Variants in DYSF observed in about 807,000 individuals in gnomAD.
DYSF encodes dystrophy-associated fer-1-like 1.
DYSF carries 212 observed loss-of-function variants against 274.9 expected under a neutral mutation model. That is an observed-to-expected ratio of 0.77 (90% CI 0.69 to 0.86). The LOEUF (loss-of-function observed/expected upper bound fraction) is 0.86. DYSF is among the 40% of genes least tolerant of loss of function. The pLI, the probability that DYSF is intolerant of heterozygous loss-of-function variation, is 0.00. For missense variants in DYSF, 2,666 were observed against 2,783.2 expected, an observed-to-expected ratio of 0.96 and a Z score of 0.95; for synonymous variants, 1,091 against 1,078.7, an observed-to-expected ratio of 1.01 and a Z score of -0.22.
intron 40 of DYSF, among the ~76,000 whole-genome samples, chr2:71,618,734 A>G (rs1421552505): frequency 3.1e-4 from 45 of 147,498 alleles, no homozygotes; most frequent in Admixed American, 6.1e-4. Context: ...GTGGGTGTGT[A>G]TGTGGAGTAG....
At chr2:71,587,778 T>A (rs1238867534) in intron 30 of DYSF, among the ~76,000 whole-genome samples, 1 of 152,038 alleles carries the variant, frequency 6.6e-6, no homozygotes, top group Non-Finnish European at 1.5e-5. Context: ...CATGTTGAAG[T>A]TGTGGCCAAA....
At position 71,455,395 on chromosome 2, in the gene DYSF, G is replaced by T. The variant is rs140391080; in HGVS notation, c.88+1309G>T. Among the ~76,000 whole-genome samples the T allele has an allele frequency of 4.0e-3, 606 of 152,312 alleles. 6 individuals carry two copies. Among genetic ancestry groups the T allele is most frequent in the African/African-American group, 0.014 (567 of 41,552 alleles). ...GTACACCAAGAGTGGGGACCAAGGG[G>T]GTGGCTGTGGCACTCCAGCTGTGCT... On this transcript the variant is annotated intron_variant, in intron 1 of 54. Transcript: ENST00000258104.
intron 36 of DYSF, among the ~76,000 whole-genome samples, chr2:71,604,698 C>T (rs1471111227): frequency 6.6e-6 from 1 of 152,208 alleles, no homozygotes; most frequent in African/African-American, 2.4e-5. Context: ...AGGATATCCT[C>T]TCTTGTGGGA....
intron 23 of DYSF, among the ~76,000 whole-genome samples, chr2:71,562,885 C>T (rs1409676064): frequency 6.6e-6 from 1 of 152,188 alleles, no homozygotes; most frequent in African/African-American, 2.4e-5. Flanking sequence ...CACGGGCTTC[C>T]CTCTGTAATC....
intron 41 of DYSF, among the ~76,000 whole-genome samples, chr2:71,639,493 C>T (rs532484661): frequency 6.6e-6 from 1 of 152,254 alleles, no homozygotes; most frequent in South Asian, 2.1e-4. Context: ...AAAATGAGAT[C>T]ACATTATTTT....
chr2:71,593,858 C>T (rs994550768), intron 32 of DYSF, among the ~76,000 whole-genome samples: 24 of 152,190 alleles, frequency 1.6e-4, no homozygotes, highest in Admixed American at 1.3e-4. Context: ...CCCAGAAATC[C>T]CTCTTTGAGG....
chr2:71,516,314 GTGTT>G (rs1171511200), intron 9 of DYSF, 72 bp downstream of exon 9: 48 of 1,447,448 alleles, frequency 3.3e-5, no homozygotes, highest in Middle Eastern at 1.8e-4. Flanking sequence ...ACACGCGTGT[GTGTT>G]TGTGCACGTG....
chr2:71,577,225 CCAG>C lies in DYSF; in HGVS notation c.3402+2857_3402+2859del, dbSNP rs993554629. The C allele has an allele frequency of 2.0e-5, 3 of 153,654 alleles. No homozygotes were observed. The Admixed American group carries it at 2.0e-4, about 10-fold the overall frequency. 9.5% of individuals were successfully genotyped at this position (153,654 alleles called of 1,614,324 possible). ...ACACACTCACACACTGTCTTACACACCAGCACACACACCAACACACACTCATAC... is the reference window on the plus strand; with the variant it reads ...ACACACTCACACACTGTCTTACACACCACACACACCAACACACACTCATAC... On this transcript the variant is annotated intron_variant, in intron 30 of 55. Coordinates refer to ENST00000410020, the MANE Select transcript of DYSF (RefSeq NM_001130987.2).
At chr2:71,553,271 A>G in intron 20 of DYSF, 83 bp downstream of exon 20, 1 of 1,592,972 alleles carries the variant, frequency 6.3e-7, no homozygotes, top group Non-Finnish European at 8.6e-7. Flanking sequence ...TCCCATGGAA[A>G]GCTGCCAGAG....
rs183959018 is a variant in DYSF, at chr2:71,599,593, G to A, written c.3756+848G>A. ...TGGAAGGAGGAGAAGGGAGTATGAGGCCAGGGGAGCAGGAGAGTGCTGACG... is the reference window on the plus strand; with the variant it reads ...TGGAAGGAGGAGAAGGGAGTATGAGACCAGGGGAGCAGGAGAGTGCTGACG... On this transcript the variant is annotated intron_variant, in intron 33 of 55. Transcript: ENST00000410020. 1.1e-4 allele frequency among the ~76,000 whole-genome samples: 16 copies of A among 152,330 alleles called. 1 individual carries two copies. The highest frequency in any genetic ancestry group is 9.8e-4 in the Admixed American group (15 of 15,304).
rs1172643225 is a variant in DYSF at position 71,561,801 on chromosome 2, C to T, written c.2266C>T (p.Gln756Ter). ...GACACCCTCTGCCACCCACCTGGAC[C>T]AGTACCTGTACCAGCTGCGCACCCA... ...HETPSATHLD[Q>*]YLYQLRTHHL... Residue 756 changes from glutamine to a stop codon, truncating the protein, a stop_gained, in exon 23 of 56, where the codon CAG becomes TAG. Transcript: ENST00000410020. LOFTEE classifies it high-confidence loss of function. The T allele has an allele frequency of 6.2e-7, 1 of 1,614,156 alleles. No individual in the cohort carries two copies. The highest frequency in any genetic ancestry group is 8.5e-7 in the Non-Finnish European group (1 of 1,180,024).
intron 40 of DYSF, among the ~76,000 whole-genome samples, chr2:71,618,559 A>G (rs201225234): frequency 9.7e-5 from 11 of 113,660 alleles, no homozygotes; most frequent in East Asian, 2.6e-4. Flanking sequence ...GTAGAGGTGG[A>G]GTGTGTGTTT....
intron 21 of DYSF, 36 bp downstream of exon 21, chr2:71,553,967 T>C (rs1559144421): frequency 1.4e-5 from 22 of 1,613,822 alleles, no homozygotes; most frequent in Non-Finnish European, 1.9e-5. Flanking sequence ...CACATGCCTA[T>C]GCATGCACCT....
At chr2:71,480,024 G>A (rs537065190) in intron 1 of DYSF, among the ~76,000 whole-genome samples, 3 of 152,190 alleles carry the variant, frequency 2.0e-5, no homozygotes, top group African/African-American at 4.8e-5. Context: ...GAACATTTTT[G>A]TCACCTCAAG....
chr2:71,594,057 G>A (rs2093344124), intron 32 of DYSF, among the ~76,000 whole-genome samples: 1 of 152,346 alleles, frequency 6.6e-6, no homozygotes, highest in Non-Finnish European at 1.5e-5. Context: ...GGCCAGGTAG[G>A]TGATCCTATG....
intron 1 of DYSF, among the ~76,000 whole-genome samples, chr2:71,472,591 A>G (rs1444434635): frequency 6.6e-6 from 1 of 152,120 alleles, no homozygotes; most frequent in Non-Finnish European, 1.5e-5. Context: ...TATTTTTAGT[A>G]GAGACGGGGT....
chr2:71,664,844 G>C (rs558634793), intron 46 of DYSF, among the ~76,000 whole-genome samples: 5 of 152,242 alleles, frequency 3.3e-5, no homozygotes, highest in African/African-American at 4.8e-5. Flanking sequence ...GATGGTTTAT[G>C]TCAGGGGAAT....
At chr2:71,644,773 G>C (rs968922825) in intron 42 of DYSF, among the ~76,000 whole-genome samples, 30 of 152,172 alleles carry the variant, frequency 2.0e-4, no homozygotes, top group African/African-American at 7.0e-4. Context: ...GAGTTGCATG[G>C]TCTCCTGGCT....
intron 3 of DYSF, among the ~76,000 whole-genome samples, chr2:71,496,600 G>A (rs1010622693): frequency 6.6e-6 from 1 of 152,096 alleles, no homozygotes; most frequent in South Asian, 2.1e-4. Flanking sequence ...TGGCCCTATG[G>A]TGCTTAGGAC....
Sources: allele counts gnomAD v4.1 joint callset (sites outside exome capture counted in the v4.1 genomes callset), GRCh38; gene constraint gnomAD v4.1.1; transcripts MANE v1.5; gene names NCBI Gene and HGNC (gene_info 2026-07-23, HGNC 2026-07-21).